The following TNR variants were observed in gnomAD, a reference collection of about 807,000 sequenced individuals.
The protein encoded by TNR is tenascin R.
TNR carries 45 observed loss-of-function variants against 150.4 expected under a neutral mutation model. The observed-to-expected ratio is 0.30, with a 90% CI of 0.24 to 0.38. TNR has a LOEUF of 0.38. Among genes scored for constraint, TNR ranks in the 10% least tolerant of loss-of-function variants. The probability of loss-of-function intolerance (pLI) is 1.00; values close to 1 mark genes in which losing one functional copy is unlikely to be tolerated. For missense variants in TNR, 1,544 were observed against 1,759.1 expected, an observed-to-expected ratio of 0.88 and a Z score of 2.19; for synonymous variants, 687 against 678.4, an observed-to-expected ratio of 1.01 and a Z score of -0.20.
chr1:175,361,880 G>T (rs1159372184), intron 14 of TNR, among the ~76,000 whole-genome samples: 1 of 152,234 alleles, frequency 6.6e-6, no homozygotes, highest in African/African-American at 2.4e-5. Flanking sequence ...AGAGACGGAG[G>T]AGCAGTGGTG....
At chr1:175,610,591 C>T (rs2101854638) in intron 1 of TNR, among the ~76,000 whole-genome samples, 1 of 152,336 alleles carries the variant, frequency 6.6e-6, no homozygotes, top group South Asian at 2.1e-4. Flanking sequence ...TCATGGCAGA[C>T]TTTCACCCCA....
chr1:175,402,892 A>G (rs756432039), intron 4 of TNR, among the ~76,000 whole-genome samples: 3 of 152,172 alleles, frequency 2.0e-5, no homozygotes, highest in Non-Finnish European at 4.4e-5. Flanking sequence ...TCCTAGTCTC[A>G]GGGGTAACAA....
At chr1:175,613,304 T>A (rs1663656788) in intron 1 of TNR, among the ~76,000 whole-genome samples, 1 of 152,218 alleles carries the variant, frequency 6.6e-6, no homozygotes, top group Admixed American at 6.5e-5. Flanking sequence ...GCATCCTTGT[T>A]CTAATGGTAA....
intron 1 of TNR, among the ~76,000 whole-genome samples, chr1:175,668,638 G>A (rs575181303): frequency 1.9e-4 from 29 of 152,198 alleles, no homozygotes; most frequent in Admixed American, 1.3e-3. Context: ...GACTTACACC[G>A]GACACAGCTG....
intron 1 of TNR, among the ~76,000 whole-genome samples, chr1:175,614,095 T>C (rs1234514178): frequency 6.6e-6 from 1 of 152,236 alleles, no homozygotes; most frequent in African/African-American, 2.4e-5. Flanking sequence ...ATGATGTACA[T>C]AGTAGATGTT....
At chr1:175,482,741 T>TA (rs1657861458) in intron 2 of TNR, among the ~76,000 whole-genome samples, 1 of 152,248 alleles carries the variant, frequency 6.6e-6, no homozygotes, top group South Asian at 2.1e-4. Flanking sequence ...AAGACCCCTC[T>TA]ACTCCCTTTG....
In TNR at chr1:175,396,658, C is replaced by A; in HGVS notation, c.1126G>T (p.Asp376Tyr). 6.2e-7 allele frequency: 1 copy of A among 1,614,260 alleles called. No homozygotes were observed. The highest frequency in any genetic ancestry group is 8.5e-7 in the Non-Finnish European group (1 of 1,180,046). Residue 376 changes from aspartate (D) to tyrosine (Y), a missense_variant, in exon 5 of 23, where the codon GAT becomes TAT. Around this residue, in one of 2 missense-constraint regions of TNR, gnomAD observed 1,254 missense variants for 1,329.4 expected, o/e 0.94. Transcript: ENST00000367674. ...TCCGTGATGGTGACACCACTCCAAT[C>A]TCCAGGCACCCGCTGCTGGAGCTGG... The part of the protein sequence containing the change: ...GLQLQQRVPG[D>Y]WSGVTITELE...
intron 2 of TNR, among the ~76,000 whole-genome samples, chr1:175,527,272 A>G (rs926493116): frequency 6.6e-6 from 1 of 152,186 alleles, no homozygotes; most frequent in Non-Finnish European, 1.5e-5. Flanking sequence ...TCTCTTGTGA[A>G]TTGGAATGTT....
At chr1:175,543,832 C>A (rs1352320385) in intron 1 of TNR, among the ~76,000 whole-genome samples, 1 of 152,144 alleles carries the variant, frequency 6.6e-6, no homozygotes, top group Non-Finnish European at 1.5e-5. Context: ...ACTCTGGTTT[C>A]TCTTCAGATC....
intron 18 of TNR, among the ~76,000 whole-genome samples, chr1:175,342,117 GAC>G (rs1372016056): frequency 4.6e-5 from 7 of 152,222 alleles, no homozygotes. Flanking sequence ...AGAAGGAAAA[GAC>G]ACAGTCACAA....
chr1:175,334,090 T>G (rs904207533), intron 20 of TNR, among the ~76,000 whole-genome samples: 2 of 152,104 alleles, frequency 1.3e-5, no homozygotes, highest in African/African-American at 2.4e-5. Context: ...GTGGAGTCAT[T>G]GAAAAGTTTT....
At chr1:175,583,359 A>G (rs539391903) in intron 1 of TNR, among the ~76,000 whole-genome samples, 7 of 152,328 alleles carry the variant, frequency 4.6e-5, no homozygotes, top group Admixed American at 4.6e-4. Flanking sequence ...AGCTGGCTAG[A>G]GGAGCCTGTT....
chr1:175,625,818 C>A (rs189309520), intron 1 of TNR, among the ~76,000 whole-genome samples: 3 of 152,150 alleles, frequency 2.0e-5, no homozygotes, highest in African/African-American at 7.2e-5. Context: ...CCCCTCCTAC[C>A]CCCAGCCATC....
chr1:175,547,413 G>T lies in TNR; in HGVS notation c.-164-19044C>A, dbSNP rs533718081. Among the ~76,000 whole-genome samples, 25 of 152,212 alleles carry T rather than the reference G, an allele frequency of 1.6e-4. No individual in the cohort carries two copies. The East Asian group carries it at 3.9e-3, about 23-fold the overall frequency. On this transcript the variant is annotated intron_variant, in intron 1 of 22. Transcript: ENST00000367674. The stretch of plus-strand genomic sequence containing the variant: ...TTCTCCTTAATTAATTGCTAGCCCA[G>T]TCTGCAGACCCCTGTGTGCCTTGAG...
intron 2 of TNR, among the ~76,000 whole-genome samples, chr1:175,499,375 G>C (rs1157330862): frequency 7.9e-5 from 12 of 152,202 alleles, no homozygotes; most frequent in Non-Finnish European, 1.5e-4. Flanking sequence ...GGATTGTAAA[G>C]TTGGGCTCTC....
chr1:175,700,444 A>G (rs1269302051), intron 1 of TNR, among the ~76,000 whole-genome samples: 1 of 152,194 alleles, frequency 6.6e-6, no homozygotes, highest in Non-Finnish European at 1.5e-5. Context: ...CCCTTTGCTA[A>G]GATCTGGGTG....
chr1:175,528,645 A>G (rs1041725399), intron 1 of TNR, among the ~76,000 whole-genome samples: 12 of 152,202 alleles, frequency 7.9e-5, no homozygotes, highest in African/African-American at 2.9e-4. Flanking sequence ...TAAATCCAGA[A>G]ATGTGCTTTA....
chr1:175,418,828 G>A (rs943701084), intron 2 of TNR, among the ~76,000 whole-genome samples: 2 of 152,124 alleles, frequency 1.3e-5, no homozygotes, highest in African/African-American at 4.8e-5. Context: ...TTGTATTCAG[G>A]GATGAAGTGT....
intron 13 of TNR, 143 bp downstream of exon 13, chr1:175,363,565 C>T: frequency 8.9e-7 from 1 of 1,119,968 alleles, no homozygotes. Context: ...TGGCTGCTCA[C>T]CAGCCCACTC....
Sources: allele counts gnomAD v4.1 joint callset (sites outside exome capture counted in the v4.1 genomes callset), GRCh38; gene constraint gnomAD v4.1.1; regional missense constraint gnomAD v4.1.1; transcripts MANE v1.5; gene names NCBI Gene and HGNC (gene_info 2026-07-23, HGNC 2026-07-21).